Variants in RAD51B observed in about 807,000 individuals in gnomAD.
RAD51B encodes the protein RAD51 paralog B.
A neutral mutation model predicts 42.2 loss-of-function variants in RAD51B; 38 were observed. That is an observed-to-expected ratio of 0.90 (90% CI 0.70 to 1.18). The LOEUF is 1.18. Among genes scored for constraint, RAD51B ranks in the 50% most tolerant of loss-of-function variants. The probability of loss-of-function intolerance (pLI) is 0.00; values close to 1 mark genes in which losing one functional copy is unlikely to be tolerated. For synonymous variants in RAD51B, 154 were observed against 145.2 expected, an observed-to-expected ratio of 1.06 and a Z score of -0.43; for missense variants, 373 against 400.7, an observed-to-expected ratio of 0.93 and a Z score of 0.59.
At chr14:68,556,514 G>T (rs574915978) in intron 10 of RAD51B, among the ~76,000 whole-genome samples, 1 of 152,138 alleles carries the variant, frequency 6.6e-6, no homozygotes, top group South Asian at 2.1e-4. Flanking sequence ...GGGAGAGAGC[G>T]GCCTGAGAAG....
At chr14:67,836,760 T>C (rs2041255972) in intron 4 of RAD51B, among the ~76,000 whole-genome samples, 1 of 152,206 alleles carries the variant, frequency 6.6e-6, no homozygotes, top group Non-Finnish European at 1.5e-5. Context: ...CCACTACACC[T>C]GGCCAACCTT....
chr14:68,425,507 C>T (rs551972219), intron 9 of RAD51B, among the ~76,000 whole-genome samples: 11 of 152,372 alleles, frequency 7.2e-5, no homozygotes, highest in African/African-American at 2.6e-4. Context: ...ATTTGTCTCT[C>T]TGTCACCCTC....
At chr14:68,209,463 A>AT (rs775002538) in intron 7 of RAD51B, among the ~76,000 whole-genome samples, 17 of 152,188 alleles carry the variant, frequency 1.1e-4, no homozygotes, top group Non-Finnish European at 1.8e-4. Context: ...TCTGAGAGGA[A>AT]TTGTCCCTCC....
At chr14:68,449,052 A>G (rs1328256445) in intron 9 of RAD51B, among the ~76,000 whole-genome samples, 1 of 152,232 alleles carries the variant, frequency 6.6e-6, no homozygotes, top group African/African-American at 2.4e-5. Flanking sequence ...ATAATTTTTC[A>G]TGTAAATATA....
At chr14:67,995,856 A>G (rs1218357763) in intron 7 of RAD51B, among the ~76,000 whole-genome samples, 1 of 151,920 alleles carries the variant, frequency 6.6e-6, no homozygotes, top group East Asian at 2.0e-4. Context: ...TGACCTCGTG[A>G]TCCGCCCGCC....
intron 8 of RAD51B, among the ~76,000 whole-genome samples, chr14:68,396,426 T>C (rs1444879375): frequency 6.6e-6 from 1 of 152,168 alleles, no homozygotes. Flanking sequence ...ACTGATAAAA[T>C]AAATAATGTA....
intron 5 of RAD51B, among the ~76,000 whole-genome samples, chr14:67,871,509 C>A (rs996936605): frequency 6.6e-6 from 1 of 152,150 alleles, no homozygotes; most frequent in African/African-American, 2.4e-5. Flanking sequence ...ACCAGAGGTA[C>A]AAGGAGGAAC....
intron 8 of RAD51B, among the ~76,000 whole-genome samples, chr14:68,300,942 CT>C (rs2081720108): frequency 6.6e-6 from 1 of 152,142 alleles, no homozygotes; most frequent in African/African-American, 2.4e-5. Flanking sequence ...AACTCTGTGT[CT>C]GTTAGTTACA....
chr14:68,583,415 A>C (rs1890304013), intron 10 of RAD51B, among the ~76,000 whole-genome samples: 1 of 152,220 alleles, frequency 6.6e-6, no homozygotes, highest in Non-Finnish European at 1.5e-5. Flanking sequence ...TACAATGTAG[A>C]CCAGCTTTCA....
chr14:67,820,847 A>G (rs2040603559), intron 1 of RAD51B, among the ~76,000 whole-genome samples: 1 of 152,222 alleles, frequency 6.6e-6, no homozygotes, highest in African/African-American at 2.4e-5. Context: ...ATGAAGTAGT[A>G]AATTCATATG....
chr14:68,136,624 A>G (rs1194985084), intron 7 of RAD51B, among the ~76,000 whole-genome samples: 1 of 63,240 alleles, frequency 1.6e-5, no homozygotes, highest in African/African-American at 3.4e-5. Flanking sequence ...CCATACTTTT[A>G]AAAGCTTATT....
chr14:68,252,233 C>T (rs867061370), intron 7 of RAD51B, among the ~76,000 whole-genome samples: 5 of 152,252 alleles, frequency 3.3e-5, no homozygotes, highest in Middle Eastern at 3.4e-3. Flanking sequence ...AGAATGATTA[C>T]GTTCTGATTG....
chr14:68,374,699 C>CA (rs1248219358), intron 8 of RAD51B, among the ~76,000 whole-genome samples: 1 of 150,544 alleles, frequency 6.6e-6, no homozygotes, highest in African/African-American at 2.5e-5. Context: ...AGATGTGTCA[C>CA]ACTTAGCACA....
At chr14:68,407,449 T>G (rs1024938401) in intron 8 of RAD51B, among the ~76,000 whole-genome samples, 2 of 152,234 alleles carry the variant, frequency 1.3e-5, no homozygotes, top group Non-Finnish European at 2.9e-5. Context: ...CACAAGCATG[T>G]GAGTATGCAT....
chr14:68,485,546 C>A (rs759603178), intron 10 of RAD51B, among the ~76,000 whole-genome samples: 28 of 152,160 alleles, frequency 1.8e-4, no homozygotes, highest in Admixed American at 9.8e-4. Flanking sequence ...CAAAAAAAAA[C>A]AGACATCAGC....
intron 10 of RAD51B, among the ~76,000 whole-genome samples, chr14:68,560,459 G>A (rs925217714): frequency 1.3e-5 from 2 of 152,188 alleles, no homozygotes; most frequent in Non-Finnish European, 2.9e-5. Flanking sequence ...TTCAGAGCTG[G>A]GCGCGGTGGC....
chr14:68,259,556 G>A (rs987541005), intron 7 of RAD51B, among the ~76,000 whole-genome samples: 1 of 152,076 alleles, frequency 6.6e-6, no homozygotes, highest in African/African-American at 2.4e-5. Context: ...TAACAAGATG[G>A]CATTTATCTT....
At chr14:68,258,431 A>ACT (rs535522450) in intron 7 of RAD51B, among the ~76,000 whole-genome samples, 21,139 of 148,976 alleles carry the variant, frequency 0.14, 1,536 homozygotes, top group Middle Eastern at 0.33. Context: ...ACACACACAC[A>ACT]CTCTCTCTCT....
chr14:68,491,692 C>T (rs538750674), intron 10 of RAD51B, among the ~76,000 whole-genome samples: 1 of 152,308 alleles, frequency 6.6e-6, no homozygotes, highest in South Asian at 2.1e-4. Context: ...CCATAGCCTT[C>T]CCGAGTCCCA....
Sources: allele counts gnomAD v4.1 joint callset (sites outside exome capture counted in the v4.1 genomes callset), GRCh38; gene constraint gnomAD v4.1.1; transcripts MANE v1.5; gene names NCBI Gene and HGNC (gene_info 2026-07-23, HGNC 2026-07-21).